Variants in FER observed in about 807,000 individuals in gnomAD.
FER encodes the protein FER tyrosine kinase.
Under a neutral mutation model 111.0 loss-of-function variants are expected in FER, and 63 were observed. The observed-to-expected ratio is 0.57, with a 90% CI of 0.46 to 0.70. FER has a LOEUF of 0.70. FER is among the 30% of genes least tolerant of loss of function. The pLI is 0.00. For missense variants in FER, 914 were observed against 954.0 expected, an observed-to-expected ratio of 0.96 and a Z score of 0.55; for synonymous variants, 327 against 313.9, an observed-to-expected ratio of 1.04 and a Z score of -0.44.
chr5:109,103,748 G>T (rs1748550338), intron 17 of FER, among the ~76,000 whole-genome samples: 1 of 152,030 alleles, frequency 6.6e-6, no homozygotes, highest in Non-Finnish European at 1.5e-5. Context: ...TACTTACAAA[G>T]GTATGTTACT....
At chr5:108,839,663 C>T (rs1761054046) in intron 5 of FER, among the ~76,000 whole-genome samples, 1 of 150,664 alleles carries the variant, frequency 6.6e-6, no homozygotes, top group Admixed American at 6.6e-5. Context: ...CTGCAAGCTC[C>T]GCCTCCCAGA....
At chr5:109,130,848 T>C (rs981634203) in intron 17 of FER, among the ~76,000 whole-genome samples, 4 of 152,136 alleles carry the variant, frequency 2.6e-5, no homozygotes, top group Non-Finnish European at 2.9e-5. Flanking sequence ...TCCTTTTTAC[T>C]CCAGTGCCTA....
intron 10 of FER, among the ~76,000 whole-genome samples, chr5:108,938,923 G>A (rs564517302): frequency 1.6e-4 from 25 of 152,116 alleles, no homozygotes; most frequent in African/African-American, 3.6e-4. Flanking sequence ...CTTCTGAGGT[G>A]TATTTTGCAG....
At chr5:109,092,902 T>C (rs55699307) in intron 16 of FER, among the ~76,000 whole-genome samples, 64,157 of 151,960 alleles carry the variant, frequency 0.42, 13,860 homozygotes, top group African/African-American at 0.49. Context: ...GGGGTATATA[T>C]ATAAAATGGA....
intron 10 of FER, among the ~76,000 whole-genome samples, chr5:108,905,089 A>G (rs568022035): frequency 1.3e-5 from 2 of 152,182 alleles, no homozygotes; most frequent in East Asian, 1.9e-4. Context: ...ATCAATAGCC[A>G]TTTTTCTTTG....
chr5:109,050,500 C>T (rs1241605501), intron 16 of FER, among the ~76,000 whole-genome samples: 2 of 152,100 alleles, frequency 1.3e-5, no homozygotes, highest in African/African-American at 4.8e-5. Flanking sequence ...AAATATTAAG[C>T]ATGGCTTGAT....
chr5:109,084,785 G>T (rs973983962), intron 16 of FER, among the ~76,000 whole-genome samples: 14 of 151,644 alleles, frequency 9.2e-5, no homozygotes, highest in Non-Finnish European at 1.9e-4. Context: ...TGTTACCGAG[G>T]GGGTTGAAAT....
chr5:108,907,852 T>A (rs988137606), intron 10 of FER, among the ~76,000 whole-genome samples: 2 of 152,166 alleles, frequency 1.3e-5, no homozygotes, highest in South Asian at 4.1e-4. Context: ...TTTTTTTTCT[T>A]TTGTCATGAT....
chr5:109,144,857 G>T (rs528200175), intron 17 of FER, among the ~76,000 whole-genome samples: 2 of 152,166 alleles, frequency 1.3e-5, no homozygotes, highest in East Asian at 1.9e-4. Context: ...TCCAAATCAA[G>T]TAAATTGGAG....
chr5:109,136,952 T>C (rs1424779881), intron 17 of FER, among the ~76,000 whole-genome samples: 1 of 152,204 alleles, frequency 6.6e-6, no homozygotes, highest in Non-Finnish European at 1.5e-5. Flanking sequence ...ATATCATCAA[T>C]TTGAAGCAAA....
At chr5:108,815,830 G>A (rs1260150559) in intron 3 of FER, among the ~76,000 whole-genome samples, 1 of 152,132 alleles carries the variant, frequency 6.6e-6, no homozygotes, top group Non-Finnish European at 1.5e-5. Context: ...AATGTAACTT[G>A]AGCCTGTACA....
At chr5:108,956,971 T>C (rs1758509101) in intron 12 of FER, among the ~76,000 whole-genome samples, 1 of 151,562 alleles carries the variant, frequency 6.6e-6, no homozygotes, top group Non-Finnish European at 1.5e-5. Context: ...TCAACAAGTG[T>C]TCCAATAGAA....
At chr5:109,148,799 A>G (rs1291287835) in intron 17 of FER, among the ~76,000 whole-genome samples, 1 of 152,152 alleles carries the variant, frequency 6.6e-6, no homozygotes, top group Non-Finnish European at 1.5e-5. Flanking sequence ...TCACCCAGCA[A>G]GTGGCTAGCG....
intron 1 of FER, among the ~76,000 whole-genome samples, chr5:108,762,713 G>A (rs754760438): frequency 4.6e-5 from 7 of 152,058 alleles, no homozygotes; most frequent in Non-Finnish European, 8.8e-5. Flanking sequence ...TCCCTCATGC[G>A]GGATTTTTTT....
At position 108,768,252 on chromosome 5, in the gene FER, ATTC is replaced by A. The variant is rs1163666654; in HGVS notation, c.-60+20_-60+22del. 1.3e-5 allele frequency: 2 copies of A among 152,214 alleles called. No individual in the cohort carries two copies. The highest frequency in any genetic ancestry group is 1.5e-5 in the Non-Finnish European group (1 of 68,028). 9.4% of individuals were successfully genotyped at this position (152,214 alleles called of 1,614,324 possible). On this transcript the variant is annotated intron_variant, in intron 2 of 19. Transcript: ENST00000281092. ...AACAGTAGTAAGGTAGGATTACTTT[ATTC>A]TTCTTAGTAAGTTACTAAACCGTTT...
chr5:109,127,743 T>G (rs552058104), intron 17 of FER, among the ~76,000 whole-genome samples: 5 of 152,128 alleles, frequency 3.3e-5, no homozygotes, highest in Admixed American at 2.0e-4. Context: ...TATTACTAAT[T>G]AACTATATTA....
At chr5:109,185,274 A>G (rs1325960844) in intron 18 of FER, among the ~76,000 whole-genome samples, 1 of 152,204 alleles carries the variant, frequency 6.6e-6, no homozygotes, top group African/African-American at 2.4e-5. Flanking sequence ...AAAACAAGGC[A>G]CCATGTGATT....
chr5:109,084,542 TTACTTA>T (rs1236814538), intron 16 of FER, among the ~76,000 whole-genome samples: 2 of 151,990 alleles, frequency 1.3e-5, no homozygotes, highest in African/African-American at 2.4e-5. Flanking sequence ...ATTGTATGGT[TTACTTA>T]TACTTATTTG....
intron 13 of FER, among the ~76,000 whole-genome samples, chr5:108,990,032 C>G (rs1264531316): frequency 2.0e-5 from 3 of 151,698 alleles, no homozygotes; most frequent in African/African-American, 7.3e-5. Context: ...CAGTAAATTT[C>G]TAAAGAATTG....
Sources: allele counts gnomAD v4.1 joint callset (sites outside exome capture counted in the v4.1 genomes callset), GRCh38; gene constraint gnomAD v4.1.1; transcripts MANE v1.5; gene names NCBI Gene and HGNC (gene_info 2026-07-23, HGNC 2026-07-21).